KCNQ1OT1: variants seen among roughly 807,000 people sequenced by gnomAD.
KCNQ1OT1 encodes the protein KCNQ1 antisense RNA 2 (non-protein coding).
rs1483984379 is a variant in KCNQ1OT1 at position 2,673,250 on chromosome 11, G to A, written n.26745C>T. 3 of 398,576 alleles carry A rather than the reference G, an allele frequency of 7.5e-6. No homozygotes were observed. The highest frequency in any genetic ancestry group is 8.8e-6 in the Non-Finnish European group (2 of 226,094). The allele number at this position is 398,576 out of a possible 1,614,324, so 24.7% of individuals were successfully genotyped here. A position where few individuals can be genotyped will look rare whatever the true frequency, so the allele number is the denominator to read the frequency against. On this transcript the variant is annotated non_coding_transcript_exon_variant, in exon 1 of 1. Transcript: ENST00000597346. This position sits in a 1 kb window ranked among gnomAD's most constrained non-coding sequence, Gnocchi z 4.5. ...CTGTAGATTCTGGGGACTGGGTGAT[G>A]CAGACTGCAAAGCCTCAGCCACCTT...
At chr11:2,634,800 T>G (rs1336163565) in exon 1 of KCNQ1OT1, 1 of 152,238 alleles carries the variant, frequency 6.6e-6, no homozygotes, top group African/African-American at 2.4e-5. Context: ...CCACCAACAG[T>G]GTAAAAGCGT....
In KCNQ1OT1 at chr11:2,674,860, A is replaced by T. The variant is rs921423145; in HGVS notation, n.25135T>A. ...AAAAAAAAAAAAAAAAAAAAAAAAA[A>T]GCTCACTGGGCACCTTGGCTGCAGG... On this transcript the variant is annotated non_coding_transcript_exon_variant, in exon 1 of 1. Transcript: ENST00000597346. This position sits in a 1 kb window ranked among gnomAD's most constrained non-coding sequence, Gnocchi z 5.9. The T allele has an allele frequency of 1.8e-5, 7 of 394,580 alleles. No individual in the cohort carries two copies. The South Asian group carries it at 5.2e-4, about 29-fold the overall frequency. 24.4% of individuals were successfully genotyped at this position (394,580 alleles called of 1,614,324 possible).
chr11:2,698,257 G>C lies in KCNQ1OT1; in HGVS notation n.1738C>G. The stretch of plus-strand genomic sequence containing the variant: ...ATTATCAGGAAAGTTTTTATACTTT[G>C]TGATAATCTAAGACAGAACTATTCT... On this transcript the variant is annotated non_coding_transcript_exon_variant, in exon 1 of 1. Transcript: ENST00000597346. The surrounding 1 kb of genome is among the most constrained non-coding windows in gnomAD (Gnocchi z 5.1). The C allele has an allele frequency of 2.5e-6, 1 of 398,658 alleles. No homozygotes were observed. 24.7% of individuals were successfully genotyped at this position (398,658 alleles called of 1,614,324 possible). A position where few individuals can be genotyped will look rare whatever the true frequency, so the allele number is the denominator to read the frequency against.
exon 1 of KCNQ1OT1, chr11:2,688,851 G>A (rs1590033878): frequency 5.0e-6 from 2 of 399,044 alleles, no homozygotes; most frequent in East Asian, 7.1e-5. Context: ...CAGGTGGAGA[G>A]GGCTGGGCCA....
exon 1 of KCNQ1OT1, chr11:2,666,934 C>G (rs1850082247): frequency 2.5e-6 from 1 of 398,604 alleles, no homozygotes; most frequent in South Asian, 1.3e-4. Flanking sequence ...TCCAGACCAC[C>G]TCTGTCTGCA....
At position 2,653,962 on chromosome 11, in the gene KCNQ1OT1, C is replaced by T. The variant is rs758690242; in HGVS notation, n.46033G>A. ...GGCAGGCAAAAACAACAGGTGTCCACTCAAGCAAGGTATTTTCCTAAGCGG... is the reference window on the plus strand; with the variant it reads ...GGCAGGCAAAAACAACAGGTGTCCATTCAAGCAAGGTATTTTCCTAAGCGG... On this transcript the variant is annotated non_coding_transcript_exon_variant, in exon 1 of 1. Transcript: ENST00000597346. The surrounding 1 kb of genome is among the most constrained non-coding windows in gnomAD (Gnocchi z 5.3). 9 of 398,580 alleles carry T rather than the reference C, an allele frequency of 2.3e-5. No homozygotes were observed. Among genetic ancestry groups the T allele is most frequent in the African/African-American group, 4.1e-5 (2 of 48,638 alleles). 24.7% of individuals were successfully genotyped at this position (398,580 alleles called of 1,614,324 possible). A position where few individuals can be genotyped will look rare whatever the true frequency, so the allele number is the denominator to read the frequency against.
In KCNQ1OT1 at chr11:2,626,158, T is replaced by C. The variant is rs759519103; in HGVS notation, n.73837A>G. 4.5e-5 allele frequency: 18 copies of C among 397,294 alleles called. No individual in the cohort carries two copies. Among genetic ancestry groups the C allele is most frequent in the Non-Finnish European group, 5.8e-5 (13 of 226,058 alleles). 24.6% of individuals were successfully genotyped at this position (397,294 alleles called of 1,614,324 possible). A position where few individuals can be genotyped will look rare whatever the true frequency, so the allele number is the denominator to read the frequency against. ...AGCACTGCCAATGATGTAAAGTTTT[T>C]CCCCTATGTTTCCTTATAAGACTTC... On this transcript the variant is annotated non_coding_transcript_exon_variant, in exon 1 of 1. Transcript: ENST00000597346. The surrounding 1 kb of genome is among the most constrained non-coding windows in gnomAD (Gnocchi z 4.0).
exon 1 of KCNQ1OT1, chr11:2,641,973 T>C (rs1256081933): frequency 2.5e-6 from 1 of 398,402 alleles, no homozygotes. Flanking sequence ...GGTTCTACTC[T>C]GTTCCATTGG....
rs1420916657 is a variant in KCNQ1OT1 at position 2,623,668 on chromosome 11, C to T, written n.76327G>A. On this transcript the variant is annotated non_coding_transcript_exon_variant, in exon 1 of 1. Coordinates refer to ENST00000597346, the Ensembl canonical transcript of KCNQ1OT1. The surrounding 1 kb of genome is among the most constrained non-coding windows in gnomAD (Gnocchi z 5.2). Reference sequence around the variant, plus strand: ...GTACTACAGTTTATCTGTCTACTCACCTATGGAAGGACATCTCGGTTGCTT... The same window carrying T: ...GTACTACAGTTTATCTGTCTACTCATCTATGGAAGGACATCTCGGTTGCTT... The T allele has an allele frequency of 2.5e-6, 1 of 398,354 alleles. No homozygotes were observed. The highest frequency in any genetic ancestry group is 2.1e-5 in the African/African-American group (1 of 48,606). 24.7% of individuals were successfully genotyped at this position (398,354 alleles called of 1,614,324 possible).
chr11:2,617,477 G>C lies in KCNQ1OT1; in HGVS notation n.82518C>G. ...AGTTTAGTCATCCATCAATGGACAC[G>C]TAAGTTTTCATATCGTGACTCATGC... On this transcript the variant is annotated non_coding_transcript_exon_variant, in exon 1 of 1. Coordinates refer to ENST00000597346, the Ensembl canonical transcript of KCNQ1OT1. The surrounding 1 kb of genome is among the most constrained non-coding windows in gnomAD (Gnocchi z 4.6). 2 of 398,350 alleles carry C rather than the reference G, an allele frequency of 5.0e-6. No individual in the cohort carries two copies. The highest frequency in any genetic ancestry group is 8.9e-6 in the Non-Finnish European group (2 of 225,944). The allele number at this position is 398,350 out of a possible 1,614,324, so 24.7% of individuals were successfully genotyped here.
exon 1 of KCNQ1OT1, chr11:2,686,576 A>C (rs1356538274): frequency 2.5e-6 from 1 of 398,676 alleles, no homozygotes; most frequent in Non-Finnish European, 4.4e-6. Context: ...AGCTGTGGTG[A>C]CTAGAATGGC....
exon 1 of KCNQ1OT1, chr11:2,665,256 C>T (rs903784627): frequency 1.0e-4 from 41 of 398,564 alleles, no homozygotes; most frequent in South Asian, 8.9e-4. Flanking sequence ...CTGCCAGCCT[C>T]AAACTCCCTG....
At position 2,659,479 on chromosome 11, in the gene KCNQ1OT1, A is replaced by T; in HGVS notation, n.40516T>A. On this transcript the variant is annotated non_coding_transcript_exon_variant, in exon 1 of 1. Coordinates refer to ENST00000597346, the Ensembl canonical transcript of KCNQ1OT1. The surrounding 1 kb of genome is among the most constrained non-coding windows in gnomAD (Gnocchi z 4.3). ...CTGGGTGGTATTCCATTGCATGAAT[A>T]TATACATTTTGTTTATGCATTCACC... 2.5e-6 allele frequency: 1 copy of T among 398,560 alleles called. No homozygotes were observed. The highest frequency in any genetic ancestry group is 3.6e-5 in the East Asian group (1 of 28,052). The allele number at this position is 398,560 out of a possible 1,614,324, so 24.7% of individuals were successfully genotyped here.
Position 2,661,957 on chromosome 11 carries a change from T to C in KCNQ1OT1, n.38038A>G. The C allele has an allele frequency of 1.2e-6, 2 of 1,614,086 alleles. No individual in the cohort carries two copies. Among genetic ancestry groups the C allele is most frequent in the Non-Finnish European group, 1.7e-6 (2 of 1,180,024 alleles). On this transcript the variant is annotated non_coding_transcript_exon_variant, in exon 1 of 1. Transcript: ENST00000597346. The surrounding 1 kb of genome is among the most constrained non-coding windows in gnomAD (Gnocchi z 5.9). ...AACGTGCTGTCCCCACACTTTCTCCTCAGTAAGGAAGAGCCCAACACTGCT... is the reference window on the plus strand; with the variant it reads ...AACGTGCTGTCCCCACACTTTCTCCCCAGTAAGGAAGAGCCCAACACTGCT...
exon 1 of KCNQ1OT1, chr11:2,693,115 G>T (rs572486586): frequency 1.3e-5 from 5 of 398,540 alleles, no homozygotes; most frequent in African/African-American, 6.2e-5. Flanking sequence ...TTTGCCCCAA[G>T]ACTACTTTCT....
At chr11:2,619,160 C>T (rs968550565) in exon 1 of KCNQ1OT1, 1 of 398,272 alleles carries the variant, frequency 2.5e-6, no homozygotes, top group Non-Finnish European at 4.4e-6. Flanking sequence ...ATTTGAATGT[C>T]TTTCATTTCT....
At chr11:2,689,823 C>T (rs1850559049) in exon 1 of KCNQ1OT1, 2 of 398,638 alleles carry the variant, frequency 5.0e-6, no homozygotes, top group African/African-American at 2.1e-5. Flanking sequence ...GTGCTTGGCC[C>T]TCCCAGGTGC....
At chr11:2,615,325 G>C (rs1849043119) in exon 1 of KCNQ1OT1, 1 of 397,876 alleles carries the variant, frequency 2.5e-6, no homozygotes, top group African/African-American at 2.1e-5. Flanking sequence ...CTAGATAGAA[G>C]ATGTCATTAT....
In KCNQ1OT1 at chr11:2,674,108, T is replaced by G. The variant is rs1590023352; in HGVS notation, n.25887A>C. 2 of 397,086 alleles carry G rather than the reference T, an allele frequency of 5.0e-6. No individual in the cohort carries two copies. The allele number at this position is 397,086 out of a possible 1,614,324, so 24.6% of individuals were successfully genotyped here. A position where few individuals can be genotyped will look rare whatever the true frequency, so the allele number is the denominator to read the frequency against. On this transcript the variant is annotated non_coding_transcript_exon_variant, in exon 1 of 1. Coordinates refer to ENST00000597346, the Ensembl canonical transcript of KCNQ1OT1. The surrounding 1 kb of genome is among the most constrained non-coding windows in gnomAD (Gnocchi z 5.9). Reference sequence around the variant, plus strand: ...GTCTCCCTGCCGGTGGGGAGGGAGGTGTGGAAGCTGGTTTGCCGGGGCCAC... The same window carrying G: ...GTCTCCCTGCCGGTGGGGAGGGAGGGGTGGAAGCTGGTTTGCCGGGGCCAC...
Sources: allele counts gnomAD v4.1 joint callset, GRCh38; gene constraint gnomAD v4.1.1; non-coding constraint Gnocchi (gnomAD v3.1); transcripts MANE v1.5; gene names NCBI Gene and HGNC (gene_info 2026-07-23, HGNC 2026-07-21).